Variants in ZFYVE28 observed in about 807,000 individuals in gnomAD.
ZFYVE28 encodes zinc finger FYVE-type containing 28.
ZFYVE28 carries 40 observed loss-of-function variants against 82.1 expected under a neutral mutation model. The ratio of observed to expected loss-of-function variants is 0.49; its 90% confidence interval spans 0.38 to 0.63. The LOEUF is 0.63. ZFYVE28 is among the 30% of genes least tolerant of loss of function. ZFYVE28 has a pLI of 0.00. For synonymous variants in ZFYVE28, 612 were observed against 546.1 expected, an observed-to-expected ratio of 1.12 and a Z score of -1.68; for missense variants, 1,321 against 1,242.1, an observed-to-expected ratio of 1.06 and a Z score of -0.96.
intron 7 of ZFYVE28, among the ~76,000 whole-genome samples, chr4:2,309,316 T>G (rs1272009355): frequency 1.3e-5 from 2 of 152,286 alleles, no homozygotes; most frequent in East Asian, 3.9e-4. Flanking sequence ...ATCTTGGACC[T>G]CCCAACCTCC....
chr4:2,270,477 C>A lies in ZFYVE28; in HGVS notation c.*248G>T. ...CTCCGCCAGGCACCCTGCCCTGAGG[C>A]AGCCACCAGGCTCCTCCGGGTCCCC... On this transcript the variant is annotated 3_prime_UTR_variant, in exon 13 of 13. Transcript: ENST00000290974. 1.8e-6 allele frequency: 1 copy of A among 558,344 alleles called. No homozygotes were observed. Among genetic ancestry groups the A allele is most frequent in the Non-Finnish European group, 3.2e-6 (1 of 314,270 alleles). The allele number at this position is 558,344 out of a possible 1,614,324, so 34.6% of individuals were successfully genotyped here. A position where few individuals can be genotyped will look rare whatever the true frequency, so the allele number is the denominator to read the frequency against.
intron 2 of ZFYVE28, among the ~76,000 whole-genome samples, chr4:2,349,374 G>C (rs1403248425): frequency 8.4e-6 from 1 of 119,746 alleles, no homozygotes; most frequent in Non-Finnish European, 1.7e-5. Flanking sequence ...TTGTGGGGTG[G>C]GGGGAGGGGG....
intron 6 of ZFYVE28, among the ~76,000 whole-genome samples, chr4:2,329,346 A>T (rs1305329810): frequency 6.6e-6 from 1 of 152,174 alleles, no homozygotes; most frequent in Non-Finnish European, 1.5e-5. Context: ...GATTAAATTT[A>T]TTCCTAGGCA....
chr4:2,400,738 G>A (rs3128779), intron 1 of ZFYVE28, among the ~76,000 whole-genome samples: 129,099 of 151,934 alleles, frequency 0.85, 54,997 homozygotes, highest in Admixed American at 0.9. Context: ...AGGCTAGGCC[G>A]GTCTCGCCCT....
rs77850593 is a variant in ZFYVE28, at chr4:2,333,892, A to C, written c.701+1813T>G. 3.3e-3 allele frequency among the ~76,000 whole-genome samples: 495 copies of C among 152,278 alleles called. 1 individual carries two copies. The highest frequency in any genetic ancestry group is 0.011 in the African/African-American group (467 of 41,546). On this transcript the variant is annotated intron_variant, in intron 6 of 12. Transcript: ENST00000290974. ...CAAGTGAGTTTGGCCACAGAGAGACACTTGTCTAGAAAAGAAAAACAATGT... is the reference window on the plus strand; with the variant it reads ...CAAGTGAGTTTGGCCACAGAGAGACCCTTGTCTAGAAAAGAAAAACAATGT...
intron 2 of ZFYVE28, among the ~76,000 whole-genome samples, chr4:2,350,481 G>C (rs909173686): frequency 6.6e-5 from 10 of 151,764 alleles, no homozygotes; most frequent in Non-Finnish European, 1.5e-4. Context: ...AAAAAAGAAA[G>C]AAAGAAAGTA....
chr4:2,355,212 A>G (rs1349233887), intron 1 of ZFYVE28, among the ~76,000 whole-genome samples: 1 of 1,370 alleles, frequency 7.3e-4, no homozygotes, highest in Non-Finnish European at 2.1e-3. Flanking sequence ...ATATATATAT[A>G]TATATATATA....
chr4:2,360,929 T>C (rs3135125), intron 1 of ZFYVE28, among the ~76,000 whole-genome samples: 101,735 of 152,074 alleles, frequency 0.67, 34,352 homozygotes, highest in East Asian at 0.8. Context: ...CTTTATTCAA[T>C]GACATTTTAC....
chr4:2,288,138 A>G (rs1713045729), intron 8 of ZFYVE28, among the ~76,000 whole-genome samples: 1 of 152,120 alleles, frequency 6.6e-6, no homozygotes, highest in Non-Finnish European at 1.5e-5. Context: ...ACCATACAGC[A>G]GGGAGGGCTT....
rs1718938813 is a variant in ZFYVE28 at position 2,320,626 on chromosome 4, C to T, written c.702-355G>A. 6.6e-6 allele frequency among the ~76,000 whole-genome samples: 1 copy of T among 152,324 alleles called. No homozygotes were observed. Among genetic ancestry groups the T allele is most frequent in the East Asian group, 1.9e-4 (1 of 5,184 alleles). On this transcript the variant is annotated intron_variant, in intron 6 of 12. Coordinates refer to ENST00000290974, the MANE Select transcript of ZFYVE28 (RefSeq NM_020972.3). This position sits in a 1 kb window ranked among gnomAD's most constrained non-coding sequence, Gnocchi z 5.1. Reference sequence around the variant, plus strand: ...TCTACCTTCTTGCAAGTAATAAAAACTGGATTTGTGGTTAAATTTATCTGC... The same window carrying T: ...TCTACCTTCTTGCAAGTAATAAAAATTGGATTTGTGGTTAAATTTATCTGC...
intron 1 of ZFYVE28, among the ~76,000 whole-genome samples, chr4:2,400,485 A>G (rs1306900089): frequency 6.6e-6 from 1 of 152,084 alleles, no homozygotes; most frequent in East Asian, 1.9e-4. Context: ...AGTGAGTGTC[A>G]TGAGGCCCCC....
intron 7 of ZFYVE28, among the ~76,000 whole-genome samples, chr4:2,317,368 C>T (rs1718379219): frequency 6.6e-6 from 1 of 152,332 alleles, no homozygotes; most frequent in Non-Finnish European, 1.5e-5. Context: ...ACCTTTTCCA[C>T]CAGAGGGGAC....
intron 6 of ZFYVE28, among the ~76,000 whole-genome samples, chr4:2,328,222 AAAAAC>A (rs144978422): frequency 0.022 from 3,392 of 152,312 alleles, 123 homozygotes; most frequent in African/African-American, 0.078. Context: ...ATTCAGCCTT[AAAAAC>A]AAAAGAGATT....
intron 1 of ZFYVE28, among the ~76,000 whole-genome samples, chr4:2,357,586 G>A (rs902465614): frequency 2.0e-5 from 3 of 152,196 alleles, no homozygotes; most frequent in Admixed American, 6.5e-5. Flanking sequence ...TGGGAGGGTG[G>A]GAGAAGCAGG....
At position 2,337,400 on chromosome 4, in the gene ZFYVE28, T is replaced by G. The variant is rs770656712; in HGVS notation, c.611+7A>C. 38 of 1,597,596 alleles carry G rather than the reference T, an allele frequency of 2.4e-5. No individual in the cohort carries two copies. Among genetic ancestry groups the G allele is most frequent in the Non-Finnish European group, 3.2e-5 (37 of 1,171,252 alleles). Reference sequence around the variant, plus strand: ...TGCCCCCAGCCCCTAAGCATCCCTGTGCTCACCTCTCCACCGTCTCGCAGA... The same window carrying G: ...TGCCCCCAGCCCCTAAGCATCCCTGGGCTCACCTCTCCACCGTCTCGCAGA... On this transcript the variant is annotated splice_region_variant and intron_variant, in intron 5 of 12. Transcript: ENST00000290974.
intron 8 of ZFYVE28, among the ~76,000 whole-genome samples, chr4:2,289,877 C>T (rs995980470): frequency 6.6e-5 from 10 of 151,696 alleles, no homozygotes; most frequent in African/African-American, 2.4e-4. Context: ...ACTCGGCGAA[C>T]CTGAGTTCCC....
chr4:2,304,850 T>C lies in ZFYVE28; in HGVS notation c.1490A>G (p.Asp497Gly), dbSNP rs779218553. The C allele has an allele frequency of 6.2e-7, 1 of 1,612,674 alleles. No individual in the cohort carries two copies. The highest frequency in any genetic ancestry group is 1.1e-5 in the South Asian group (1 of 91,078). The stretch of plus-strand genomic sequence containing the variant: ...GGCGATCATCTCAGCCGTCTCTGCG[T>C]CATCCGCACCCACCTCCCAGCCGTC... ...HLDGWEVGADDAETAEMIAHR... is the reference protein window; with the variant it reads ...HLDGWEVGADGAETAEMIAHR... Residue 497 changes from aspartate to glycine, a missense_variant, in exon 8 of 13, where the codon GAC becomes GGC. By Grantham distance (94) the Asp-to-Gly change is moderately conservative (BLOSUM62 -1). Around this residue, in one of 2 missense-constraint regions of ZFYVE28, gnomAD observed 978 missense variants for 833.7 expected, o/e 1.17. Transcript: ENST00000290974.
chr4:2,382,276 G>A (rs1246751160), intron 1 of ZFYVE28, among the ~76,000 whole-genome samples: 3 of 152,232 alleles, frequency 2.0e-5, no homozygotes, highest in Non-Finnish European at 2.9e-5. Flanking sequence ...TGAGAAGAGG[G>A]CCACCGTCCT....
At chr4:2,401,237 A>C (rs772651940) in intron 1 of ZFYVE28, among the ~76,000 whole-genome samples, 4 of 152,204 alleles carry the variant, frequency 2.6e-5, no homozygotes, top group Non-Finnish European at 5.9e-5. Context: ...GCCACCTTGC[A>C]GTGGTCACAG....
Sources: allele counts gnomAD v4.1 joint callset (sites outside exome capture counted in the v4.1 genomes callset), GRCh38; gene constraint gnomAD v4.1.1; regional missense constraint gnomAD v4.1.1; non-coding constraint Gnocchi (gnomAD v3.1); transcripts MANE v1.5; gene names NCBI Gene and HGNC (gene_info 2026-07-23, HGNC 2026-07-21).